The following MLLT11 variants were observed in gnomAD, a reference collection of about 807,000 sequenced individuals.
The protein encoded by MLLT11 is MLLT11 transcription factor 7 cofactor.
Under a neutral mutation model 5.3 loss-of-function variants are expected in MLLT11, and 1 was observed. That is an observed-to-expected ratio of 0.19 (90% CI 0.07 to 0.89). MLLT11 has a LOEUF of 0.89. MLLT11 is among the 40% of genes least tolerant of loss of function. MLLT11 has a pLI of 0.67. For synonymous variants in MLLT11, 38 were observed against 41.7 expected, an observed-to-expected ratio of 0.91 and a Z score of 0.34; for missense variants, 87 against 107.3, an observed-to-expected ratio of 0.81 and a Z score of 0.83.
chr1:151,062,364 A>ATT (rs587651455), intron 1 of MLLT11, among the ~76,000 whole-genome samples: 6 of 136,412 alleles, frequency 4.4e-5, no homozygotes, highest in East Asian at 2.1e-4. Context: ...CCATGATTCT[A>ATT]TTTTTTTTTT....
Position 151,064,997 on chromosome 1 carries a change from G to A in MLLT11, c.-6-2222G>A, listed in dbSNP as rs1377443005. Among the ~76,000 whole-genome samples, 4 of 152,296 alleles carry A rather than the reference G, an allele frequency of 2.6e-5. No homozygotes were observed. The East Asian group carries it at 5.8e-4, about 22-fold the overall frequency. On this transcript the variant is annotated intron_variant, in intron 1 of 1. Transcript: ENST00000368921. Reference sequence around the variant, plus strand: ...GATACCGTTTAAGATAATGATAGATGTAAAGATAGATGAAGTAGGGGTGGA... The same window carrying A: ...GATACCGTTTAAGATAATGATAGATATAAAGATAGATGAAGTAGGGGTGGA...
At chr1:151,063,426 TTTATTA>T (rs587714955) in intron 1 of MLLT11, among the ~76,000 whole-genome samples, 5 of 151,858 alleles carry the variant, frequency 3.3e-5, no homozygotes, top group Non-Finnish European at 5.9e-5. Flanking sequence ...TTTTTATTTA[TTTATTA>T]TTATTATTAT....
chr1:151,061,633 G>C (rs778473009), intron 1 of MLLT11, among the ~76,000 whole-genome samples: 24 of 152,106 alleles, frequency 1.6e-4, no homozygotes, highest in Non-Finnish European at 2.9e-4. Context: ...GATGAAGTAG[G>C]GCTGGAGAGC....
At position 151,068,903 on chromosome 1, in the gene MLLT11, A is replaced by G. The variant is rs992936045; in HGVS notation, c.*1406A>G. Among the ~76,000 whole-genome samples the G allele has an allele frequency of 2.0e-4, 31 of 152,204 alleles. No individual in the cohort carries two copies. The highest frequency in any genetic ancestry group is 9.8e-4 in the Admixed American group (15 of 15,278). ...CCCGGCCTCATTTTATCTTTCTATAATAATATTCAACTTAGAGGAAGAATG... is the reference window on the plus strand; with the variant it reads ...CCCGGCCTCATTTTATCTTTCTATAGTAATATTCAACTTAGAGGAAGAATG... On this transcript the variant is annotated 3_prime_UTR_variant, in exon 2 of 2. Coordinates refer to ENST00000368921, the MANE Select transcript of MLLT11 (RefSeq NM_006818.4).
chr1:151,063,248 G>A (rs1676430688), intron 1 of MLLT11, among the ~76,000 whole-genome samples: 1 of 152,068 alleles, frequency 6.6e-6, no homozygotes, highest in Non-Finnish European at 1.5e-5. Context: ...TTATACTGGA[G>A]CATTTTGGAA....
chr1:151,064,056 T>C (rs1185681195), intron 1 of MLLT11, among the ~76,000 whole-genome samples: 1 of 151,734 alleles, frequency 6.6e-6, no homozygotes, highest in East Asian at 1.9e-4. Context: ...AGTTTCGCTC[T>C]TGTTGCCCAG....
chr1:151,064,730 T>C (rs957506894), intron 1 of MLLT11, among the ~76,000 whole-genome samples: 1 of 152,160 alleles, frequency 6.6e-6, no homozygotes, highest in African/African-American at 2.4e-5. Flanking sequence ...CAAGGCCCTG[T>C]TGAGTAGGCC....
chr1:151,067,658 G>A lies in MLLT11; in HGVS notation c.*161G>A. On this transcript the variant is annotated 3_prime_UTR_variant, in exon 2 of 2. Coordinates refer to ENST00000368921, the MANE Select transcript of MLLT11 (RefSeq NM_006818.4). Reference sequence around the variant, plus strand: ...GTTCTATGTATTTATTTATCTATCTGTCTACTCCATTTCTCTCAAAAGCCC... The same window carrying A: ...GTTCTATGTATTTATTTATCTATCTATCTACTCCATTTCTCTCAAAAGCCC... 2 of 809,946 alleles carry A rather than the reference G, an allele frequency of 2.5e-6. No homozygotes were observed. Among genetic ancestry groups the A allele is most frequent in the Non-Finnish European group, 3.9e-6 (2 of 506,490 alleles). 50.2% of individuals were successfully genotyped at this position (809,946 alleles called of 1,614,324 possible).
At position 151,069,066 on chromosome 1, in the gene MLLT11, T is replaced by G. The variant is rs1051535749; in HGVS notation, c.*1569T>G. The stretch of plus-strand genomic sequence containing the variant: ...TCTGCTTGCCCACTGACTACCAACA[T>G]TATATTTCAGGTAATAATTCTCCTA... On this transcript the variant is annotated 3_prime_UTR_variant, in exon 2 of 2. Coordinates refer to ENST00000368921, the MANE Select transcript of MLLT11 (RefSeq NM_006818.4). Among the ~76,000 whole-genome samples the G allele has an allele frequency of 1.3e-5, 2 of 152,116 alleles. No homozygotes were observed. Among genetic ancestry groups the G allele is most frequent in the Non-Finnish European group, 2.9e-5 (2 of 68,024 alleles).
intron 1 of MLLT11, among the ~76,000 whole-genome samples, chr1:151,062,301 G>T (rs1308642249): frequency 6.6e-6 from 1 of 151,770 alleles, no homozygotes; most frequent in Non-Finnish European, 1.5e-5. Context: ...GTCTTCCCAA[G>T]TCATTAATTT....
chr1:151,068,730 G>A lies in MLLT11; in HGVS notation c.*1233G>A, dbSNP rs1277887007. On this transcript the variant is annotated 3_prime_UTR_variant, in exon 2 of 2. Coordinates refer to ENST00000368921, the MANE Select transcript of MLLT11 (RefSeq NM_006818.4). ...CTCCCAGGTAGCTGGGATTACAGGC[G>A]CCTGCCACCAGGCCTGGTTAATTTT... 1.3e-5 allele frequency among the ~76,000 whole-genome samples: 2 copies of A among 152,086 alleles called. No individual in the cohort carries two copies. Among genetic ancestry groups the A allele is most frequent in the African/African-American group, 4.8e-5 (2 of 41,408 alleles).
intron 1 of MLLT11, among the ~76,000 whole-genome samples, chr1:151,064,270 C>T (rs906260824): frequency 2.0e-5 from 3 of 152,204 alleles, no homozygotes; most frequent in African/African-American, 4.8e-5. Context: ...CTGCCTGCCT[C>T]GGCCTCCCAA....
intron 1 of MLLT11, among the ~76,000 whole-genome samples, chr1:151,063,187 T>A (rs1676429914): frequency 6.6e-6 from 1 of 152,224 alleles, no homozygotes; most frequent in Non-Finnish European, 1.5e-5. Context: ...CACACATCAC[T>A]GTGTTCTAGA....
chr1:151,065,422 G>A (rs1016361770), intron 1 of MLLT11, among the ~76,000 whole-genome samples: 1 of 152,202 alleles, frequency 6.6e-6, no homozygotes, highest in African/African-American at 2.4e-5. Flanking sequence ...GGGTCAATTT[G>A]TCAAAGAGCT....
intron 1 of MLLT11, 72 bp from the exon 2 acceptor site, chr1:151,067,147 C>T: frequency 7.7e-7 from 1 of 1,298,732 alleles, no homozygotes; most frequent in Non-Finnish European, 1.1e-6. Flanking sequence ...TGTGGAGTAT[C>T]TAAGCAAGGA....
chr1:151,061,404 G>A (rs1473469640), intron 1 of MLLT11, among the ~76,000 whole-genome samples: 1 of 152,188 alleles, frequency 6.6e-6, no homozygotes, highest in Non-Finnish European at 1.5e-5. Flanking sequence ...GGGCGTGTCT[G>A]TGTGGCTCCG....
chr1:151,068,592 T>A lies in MLLT11; in HGVS notation c.*1095T>A. The A allele has an allele frequency of 5.7e-6, 1 of 176,138 alleles. No individual in the cohort carries two copies. The allele number at this position is 176,138 out of a possible 1,614,324, so 10.9% of individuals were successfully genotyped here. A position where few individuals can be genotyped will look rare whatever the true frequency, so the allele number is the denominator to read the frequency against. On this transcript the variant is annotated 3_prime_UTR_variant, in exon 2 of 2. Transcript: ENST00000368921. ...TTAGCTTATACATCTTTTTTTTCTT[T>A]TTTATTTTTGAGACAGGGTCCCACT... is the stretch of plus-strand genomic sequence containing the variant.
rs140717643 is a variant in MLLT11, at chr1:151,068,584, T to C, written c.*1087T>C. On this transcript the variant is annotated 3_prime_UTR_variant, in exon 2 of 2. Coordinates refer to ENST00000368921, the MANE Select transcript of MLLT11 (RefSeq NM_006818.4). ...TTTCACACTTAGCTTATACATCTTTTTTTTCTTTTTTATTTTTGAGACAGG... is the reference window on the plus strand; with the variant it reads ...TTTCACACTTAGCTTATACATCTTTCTTTTCTTTTTTATTTTTGAGACAGG... 9.6e-4 allele frequency: 172 copies of C among 179,436 alleles called. 1 individual carries two copies. Among genetic ancestry groups the C allele is most frequent in the African/African-American group, 3.7e-3 (158 of 42,330 alleles). 11.1% of individuals were successfully genotyped at this position (179,436 alleles called of 1,614,324 possible).
chr1:151,062,685 C>T (rs918247868), intron 1 of MLLT11, among the ~76,000 whole-genome samples: 1 of 152,212 alleles, frequency 6.6e-6, no homozygotes. Flanking sequence ...TTTAAAGAGC[C>T]TATAATGTGG....
Sources: gnomAD v4.1 joint callset for allele counts (sites outside exome capture counted in the v4.1 genomes callset) on GRCh38, gnomAD v4.1.1 for gene constraint, MANE v1.5 for transcripts, NCBI Gene and HGNC (gene_info 2026-07-23, HGNC 2026-07-21) for gene names.